The following DNAJC1 variants were observed in gnomAD, a reference collection of about 807,000 sequenced individuals.
DNAJC1 encodes DnaJ heat shock protein family (Hsp40) member C1, also known as dnaJ homolog subfamily C member 1.
A neutral mutation model predicts 76.6 loss-of-function variants in DNAJC1; 58 were observed. The ratio of observed to expected loss-of-function variants is 0.76; its 90% CI spans 0.61 to 0.94. DNAJC1 has a LOEUF of 0.94. DNAJC1 is among the 40% of genes least tolerant of loss of function. The probability of loss-of-function intolerance (pLI) is 0.00; values close to 1 mark genes in which losing one functional copy is unlikely to be tolerated. For synonymous variants in DNAJC1, 258 were observed against 267.9 expected, an observed-to-expected ratio of 0.96 and a Z score of 0.36; for missense variants, 689 against 677.3, an observed-to-expected ratio of 1.02 and a Z score of -0.19.
chr10:21,843,620 C>T (rs1835607544), intron 8 of DNAJC1, among the ~76,000 whole-genome samples: 1 of 151,992 alleles, frequency 6.6e-6, no homozygotes, highest in Non-Finnish European at 1.5e-5. Context: ...GTCTCAATCT[C>T]CTGACCTCGT....
Position 22,003,465 on chromosome 10 carries a change from G to T in DNAJC1, c.-31C>A. ...TGGGCTCGGAAAGGTCACCCGCCGC[G>T]CAGCTCCGTTGGCCGAGAGCTGGGA... On this transcript the variant is annotated 5_prime_UTR_variant, in exon 1 of 12. Coordinates refer to ENST00000376980, the MANE Select transcript of DNAJC1 (RefSeq NM_022365.4). 1 of 1,336,178 alleles carries T rather than the reference G, an allele frequency of 7.5e-7. No individual in the cohort carries two copies. The highest frequency in any genetic ancestry group is 2.1e-5 in the South Asian group (1 of 48,172). The allele number at this position is 1,336,178 out of a possible 1,614,324, so 82.8% of individuals were successfully genotyped here.
chr10:21,866,656 G>A (rs1239423808), intron 8 of DNAJC1, among the ~76,000 whole-genome samples: 1 of 151,904 alleles, frequency 6.6e-6, no homozygotes, highest in East Asian at 1.9e-4. Context: ...AATAATCAAA[G>A]GATTTAAAAA....
chr10:21,834,255 C>T lies in DNAJC1; in HGVS notation c.979-28156G>A, dbSNP rs377366114. Among the ~76,000 whole-genome samples, 4 of 151,982 alleles carry T rather than the reference C, an allele frequency of 2.6e-5. No individual in the cohort carries two copies. In the East Asian group the frequency reaches 7.8e-4, roughly 29 times the overall value. On this transcript the variant is annotated intron_variant, in intron 8 of 11. Coordinates refer to ENST00000376980, the MANE Select transcript of DNAJC1 (RefSeq NM_022365.4). ...CTCCAGCCTGGGCGACAGAGCAAGA[C>T]TCCATCTCAAAAAAAAATAAGAAAG...
At chr10:21,939,797 C>T (rs900763423) in intron 1 of DNAJC1, among the ~76,000 whole-genome samples, 3 of 152,114 alleles carry the variant, frequency 2.0e-5, no homozygotes, top group Non-Finnish European at 2.9e-5. Flanking sequence ...ATCTTTCTCA[C>T]TAGGTCTTTG....
At chr10:21,979,670 G>T (rs574417857) in intron 1 of DNAJC1, among the ~76,000 whole-genome samples, 1 of 151,488 alleles carries the variant, frequency 6.6e-6, no homozygotes, top group Non-Finnish European at 1.5e-5. Flanking sequence ...GTAAACTAAA[G>T]ACAGAATACC....
chr10:21,879,225 T>G (rs139027347), intron 8 of DNAJC1, among the ~76,000 whole-genome samples: 3 of 152,336 alleles, frequency 2.0e-5, no homozygotes, highest in Non-Finnish European at 4.4e-5. Flanking sequence ...TATCTATACA[T>G]GCATACCTCA....
chr10:21,831,769 G>A (rs1189931511), intron 8 of DNAJC1, among the ~76,000 whole-genome samples: 12 of 129,810 alleles, frequency 9.2e-5, no homozygotes, highest in East Asian at 2.3e-4. Context: ...CAGCCTGGGC[G>A]ACAGAGCGAG....
chr10:21,765,361 C>A (rs767528652), intron 10 of DNAJC1, among the ~76,000 whole-genome samples: 1 of 152,210 alleles, frequency 6.6e-6, no homozygotes, highest in African/African-American at 2.4e-5. Flanking sequence ...CCACCACGCC[C>A]GGCTGGGGTG....
intron 8 of DNAJC1, among the ~76,000 whole-genome samples, chr10:21,853,975 A>G (rs1056286177): frequency 1.3e-5 from 2 of 152,028 alleles, no homozygotes; most frequent in African/African-American, 4.8e-5. Flanking sequence ...TTGTCCTTTG[A>G]AAGATCAACA....
At chr10:21,937,331 A>G (rs1432138260) in intron 1 of DNAJC1, among the ~76,000 whole-genome samples, 1 of 152,166 alleles carries the variant, frequency 6.6e-6, no homozygotes. Context: ...TACCAATATT[A>G]GGTAAAATCA....
At chr10:21,940,961 A>G (rs1837397077) in intron 1 of DNAJC1, among the ~76,000 whole-genome samples, 2 of 151,934 alleles carry the variant, frequency 1.3e-5, no homozygotes, top group Non-Finnish European at 2.9e-5. Flanking sequence ...TTTAAGAGAC[A>G]GAACAACTGG....
At chr10:21,904,831 A>AT in intron 6 of DNAJC1, among the ~76,000 whole-genome samples, 1 of 151,970 alleles carries the variant, frequency 6.6e-6, no homozygotes, top group African/African-American at 2.4e-5. Flanking sequence ...ATTTTAAACT[A>AT]TTTTTTCTCT....
At chr10:21,935,544 A>G (rs1564832063) in intron 1 of DNAJC1, among the ~76,000 whole-genome samples, 1 of 152,186 alleles carries the variant, frequency 6.6e-6, no homozygotes, top group Non-Finnish European at 1.5e-5. Context: ...GAGAAGAAAC[A>G]GAAAATGGGG....
chr10:21,762,041 G>A (rs1832095643), intron 10 of DNAJC1, among the ~76,000 whole-genome samples: 1 of 152,142 alleles, frequency 6.6e-6, no homozygotes, highest in Non-Finnish European at 1.5e-5. Flanking sequence ...TCGAGTAGCT[G>A]GGACTACAGG....
At chr10:21,819,482 T>TGCG (rs1473660188) in intron 8 of DNAJC1, among the ~76,000 whole-genome samples, 2 of 152,196 alleles carry the variant, frequency 1.3e-5, no homozygotes, top group East Asian at 3.8e-4. Context: ...TTAAAATGTA[T>TGCG]TGCTTTACCA....
At chr10:21,998,901 G>A (rs148230327) in intron 1 of DNAJC1, among the ~76,000 whole-genome samples, 86 of 152,336 alleles carry the variant, frequency 5.6e-4, no homozygotes, top group Middle Eastern at 3.4e-3. Context: ...TGTTTACTAT[G>A]TGCCTTACTA....
At chr10:21,972,178 G>C (rs1837990766) in intron 1 of DNAJC1, among the ~76,000 whole-genome samples, 1 of 151,820 alleles carries the variant, frequency 6.6e-6, no homozygotes, top group South Asian at 2.1e-4. Context: ...ATTGTTATTA[G>C]ATTCCATAGG....
intron 8 of DNAJC1, among the ~76,000 whole-genome samples, chr10:21,852,497 A>G (rs1808110314): frequency 6.6e-6 from 1 of 152,036 alleles, no homozygotes; most frequent in Non-Finnish European, 1.5e-5. Context: ...ATTTTTAAAA[A>G]CTCTTATAGC....
At chr10:21,981,606 T>C (rs1838159555) in intron 1 of DNAJC1, among the ~76,000 whole-genome samples, 1 of 152,166 alleles carries the variant, frequency 6.6e-6, no homozygotes. Flanking sequence ...ATTTCCTCAT[T>C]TGTAAAATGG....
Sources: allele counts gnomAD v4.1 joint callset (sites outside exome capture counted in the v4.1 genomes callset), GRCh38; gene constraint gnomAD v4.1.1; transcripts MANE v1.5; gene names NCBI Gene and HGNC (gene_info 2026-07-23, HGNC 2026-07-21).